MACROD2: variants seen among roughly 807,000 people sequenced by gnomAD.
MACROD2 encodes ADP-ribose glycohydrolase MACROD2.
Under a neutral mutation model 70.4 loss-of-function variants are expected in MACROD2, and 36 were observed. That is an observed-to-expected ratio of 0.51 (90% CI 0.39 to 0.68). The LOEUF (loss-of-function observed/expected upper bound fraction) is 0.68. Among genes scored for constraint, MACROD2 ranks in the 30% least tolerant of loss-of-function variants. The probability of loss-of-function intolerance (pLI) is 0.00; values close to 1 mark genes in which losing one functional copy is unlikely to be tolerated. For synonymous variants in MACROD2, 172 were observed against 178.8 expected, an observed-to-expected ratio of 0.96 and a Z score of 0.30; for missense variants, 496 against 538.4, an observed-to-expected ratio of 0.92 and a Z score of 0.78.
At chr20:14,275,237 A>G (rs2082240569) in intron 3 of MACROD2, among the ~76,000 whole-genome samples, 1 of 152,164 alleles carries the variant, frequency 6.6e-6, no homozygotes, top group Non-Finnish European at 1.5e-5. Flanking sequence ...ACTATACTAC[A>G]AGGCTACAGT....
At chr20:15,188,672 T>C (rs918472567) in intron 5 of MACROD2, among the ~76,000 whole-genome samples, 2 of 152,214 alleles carry the variant, frequency 1.3e-5, no homozygotes, top group East Asian at 3.9e-4. Flanking sequence ...ATGAAAACTC[T>C]ATGTGTTTGG....
At chr20:14,710,941 C>T (rs1167709516) in intron 5 of MACROD2, among the ~76,000 whole-genome samples, 1 of 152,178 alleles carries the variant, frequency 6.6e-6, no homozygotes, top group Non-Finnish European at 1.5e-5. Context: ...TCTCATTCTT[C>T]CTGCTTATCA....
chr20:15,031,329 G>A (rs2075272704), intron 5 of MACROD2, among the ~76,000 whole-genome samples: 1 of 152,210 alleles, frequency 6.6e-6, no homozygotes, highest in Non-Finnish European at 1.5e-5. Context: ...CGCTGGCAAT[G>A]TGGCAAGCGA....
At chr20:14,982,349 C>A (rs2074808492) in intron 5 of MACROD2, among the ~76,000 whole-genome samples, 2 of 152,144 alleles carry the variant, frequency 1.3e-5, no homozygotes, top group Non-Finnish European at 2.9e-5. Flanking sequence ...AGGAGAAATT[C>A]AAGCTGGCTG....
At chr20:14,371,581 T>C (rs2083323900) in intron 3 of MACROD2, among the ~76,000 whole-genome samples, 1 of 152,192 alleles carries the variant, frequency 6.6e-6, no homozygotes, top group South Asian at 2.1e-4. Flanking sequence ...TAATAGAGAT[T>C]TTAAAATATA....
chr20:14,881,914 A>C (rs888358551), intron 5 of MACROD2, among the ~76,000 whole-genome samples: 1 of 152,118 alleles, frequency 6.6e-6, no homozygotes, highest in African/African-American at 2.4e-5. Flanking sequence ...GTAGACTTCT[A>C]TTTGTATAGT....
intron 3 of MACROD2, among the ~76,000 whole-genome samples, chr20:14,140,596 A>G (rs1055743472): frequency 6.6e-6 from 1 of 152,158 alleles, no homozygotes; most frequent in Non-Finnish European, 1.5e-5. Context: ...TTTTAGTCTT[A>G]ATGTTTTAAA....
At chr20:16,021,772 G>A (rs546337768) in intron 15 of MACROD2, among the ~76,000 whole-genome samples, 8 of 151,996 alleles carry the variant, frequency 5.3e-5, no homozygotes, top group Non-Finnish European at 8.8e-5. Context: ...CCAATAAGTC[G>A]GAGAATCAGA....
At chr20:15,653,779 C>G (rs2049683088) in intron 8 of MACROD2, among the ~76,000 whole-genome samples, 1 of 152,156 alleles carries the variant, frequency 6.6e-6, no homozygotes, top group Non-Finnish European at 1.5e-5. Context: ...AAGACATCCT[C>G]TTTCTGGGAC....
intron 4 of MACROD2, among the ~76,000 whole-genome samples, chr20:14,550,310 C>T (rs1235022075): frequency 6.6e-6 from 1 of 152,208 alleles, no homozygotes; most frequent in African/African-American, 2.4e-5. Context: ...CCTTCCCTTC[C>T]CTGTCTCTTC....
intron 3 of MACROD2, among the ~76,000 whole-genome samples, chr20:14,100,393 TAATA>T (rs1166641400): frequency 6.6e-6 from 1 of 150,768 alleles, no homozygotes; most frequent in South Asian, 2.1e-4. Flanking sequence ...TATGCCTTAT[TAATA>T]AATAAGATTC....
At chr20:14,190,689 TATATATA>T (rs2081377676) in intron 3 of MACROD2, among the ~76,000 whole-genome samples, 1 of 43,080 alleles carries the variant, frequency 2.3e-5, no homozygotes, top group African/African-American at 9.8e-5. Flanking sequence ...TATATATATA[TATATATA>T]TATTTTTTTT....
Position 14,775,093 on chromosome 20 carries a change from G to A in MACROD2, c.418+90134G>A, listed in dbSNP as rs141448447. On this transcript the variant is annotated intron_variant, in intron 5 of 17. Coordinates refer to ENST00000684519, the MANE Select transcript of MACROD2 (RefSeq NM_001351661.2). ...TATGATAAAGCATGCTAAATAAATTGTTTATATTTGTGTTTGTGTGTATAT... is the reference window on the plus strand; with the variant it reads ...TATGATAAAGCATGCTAAATAAATTATTTATATTTGTGTTTGTGTGTATAT... Among the ~76,000 whole-genome samples the A allele has an allele frequency of 2.4e-4, 37 of 152,068 alleles. No individual in the cohort carries two copies. In the East Asian group the frequency reaches 6.0e-3, roughly 25 times the overall value.
rs1568611505 is a variant in MACROD2, at chr20:15,875,488, A to T, written c.728-10276A>T. Among the ~76,000 whole-genome samples the T allele has an allele frequency of 2.6e-5, 4 of 152,196 alleles. No homozygotes were observed. The East Asian group carries it at 7.8e-4, about 30-fold the overall frequency. On this transcript the variant is annotated intron_variant, in intron 9 of 17. Transcript: ENST00000684519. Reference sequence around the variant, plus strand: ...AGCTCTCTATAATGTAACATAAATGAGTTAACTGCCTTCTTAGGAAATAGG... The same window carrying T: ...AGCTCTCTATAATGTAACATAAATGTGTTAACTGCCTTCTTAGGAAATAGG...
intron 5 of MACROD2, among the ~76,000 whole-genome samples, chr20:15,229,488 A>G (rs1291601096): frequency 6.6e-6 from 1 of 152,060 alleles, no homozygotes; most frequent in Non-Finnish European, 1.5e-5. Flanking sequence ...GCTCTTCTTT[A>G]TTGTGTACAA....
chr20:15,553,671 C>T (rs1435886742), intron 8 of MACROD2, among the ~76,000 whole-genome samples: 2 of 152,206 alleles, frequency 1.3e-5, no homozygotes, highest in Non-Finnish European at 2.9e-5. Flanking sequence ...CCACCTGCCT[C>T]AGCCTCCCAA....
intron 5 of MACROD2, among the ~76,000 whole-genome samples, chr20:14,777,689 G>C (rs2072251471): frequency 1.3e-5 from 2 of 152,002 alleles, no homozygotes; most frequent in Non-Finnish European, 2.9e-5. Flanking sequence ...GTGGACCCAG[G>C]CATGAAATTT....
At chr20:14,856,593 C>T (rs2073257900) in intron 5 of MACROD2, among the ~76,000 whole-genome samples, 1 of 152,132 alleles carries the variant, frequency 6.6e-6, no homozygotes, top group African/African-American at 2.4e-5. Flanking sequence ...GCTATTTTCC[C>T]AAATTTAATT....
intron 6 of MACROD2, among the ~76,000 whole-genome samples, chr20:15,357,280 ATT>A (rs908146193): frequency 5.3e-5 from 8 of 152,170 alleles, no homozygotes; most frequent in African/African-American, 1.9e-4. Context: ...AAATTCAATT[ATT>A]TCTTTTTTTC....
Sources: gnomAD v4.1 joint callset for allele counts (sites outside exome capture counted in the v4.1 genomes callset) on GRCh38, gnomAD v4.1.1 for gene constraint, MANE v1.5 for transcripts, NCBI Gene and HGNC (gene_info 2026-07-23, HGNC 2026-07-21) for gene names.